Variants in CHKA observed in about 807,000 individuals in gnomAD.
The protein encoded by CHKA is choline kinase alpha, also known as CHETK-alpha.
A neutral mutation model predicts 60.1 loss-of-function variants in CHKA; 34 were observed. The observed-to-expected ratio is 0.57, with a 90% CI of 0.43 to 0.75. CHKA has a LOEUF of 0.75. Ranked by LOEUF, CHKA falls within the 30% of genes least tolerant of loss-of-function variation. The probability of loss-of-function intolerance (pLI) is 0.00; values close to 1 mark genes in which losing one functional copy is unlikely to be tolerated. For synonymous variants in CHKA, 217 were observed against 223.1 expected, an observed-to-expected ratio of 0.97 and a Z score of 0.24; for missense variants, 563 against 561.3, an observed-to-expected ratio of 1.00 and a Z score of -0.03.
intron 1 of CHKA, among the ~76,000 whole-genome samples, chr11:68,100,632 AATAC>A (rs925752462): frequency 6.6e-6 from 1 of 150,880 alleles, no homozygotes. Context: ...TAAATAAATA[AATAC>A]AAGAGCGAAA....
intron 11 of CHKA, 118 bp downstream of exon 11, chr11:68,061,835 G>A (rs1330472887): frequency 2.6e-6 from 2 of 773,328 alleles, no homozygotes; most frequent in African/African-American, 1.7e-5. Flanking sequence ...CGGGTACTTG[G>A]GGAGACAGAG....
intron 1 of CHKA, among the ~76,000 whole-genome samples, chr11:68,104,308 G>A (rs920115743): frequency 5.9e-5 from 9 of 152,134 alleles, no homozygotes; most frequent in African/African-American, 1.9e-4. Flanking sequence ...GTTGAGAATA[G>A]TGCTTACCAG....
At chr11:68,076,707 C>T (rs762845423) in intron 3 of CHKA, among the ~76,000 whole-genome samples, 1 of 152,040 alleles carries the variant, frequency 6.6e-6, no homozygotes, top group African/African-American at 2.4e-5. Context: ...ACTTTATTTA[C>T]GTGTGGCATC....
chr11:68,091,336 A>G (rs1857343730), intron 2 of CHKA, among the ~76,000 whole-genome samples: 1 of 152,258 alleles, frequency 6.6e-6, no homozygotes, highest in Admixed American at 6.5e-5. Flanking sequence ...TATGTAAAAC[A>G]GACGCTAAAT....
At chr11:68,100,592 A>G (rs1857672597) in intron 1 of CHKA, among the ~76,000 whole-genome samples, 1 of 88,116 alleles carries the variant, frequency 1.1e-5, no homozygotes, top group South Asian at 4.8e-4. Context: ...CATCATCTCC[A>G]ATAAATAAAT....
chr11:68,121,299 G>T lies in CHKA; in HGVS notation c.-122C>A. ...GGCCGGCGGGGCAGGGGGCCGCGGCGGTTGGGCGCGCGGGGCGGCGGCGGC... is the reference window on the plus strand; with the variant it reads ...GGCCGGCGGGGCAGGGGGCCGCGGCTGTTGGGCGCGCGGGGCGGCGGCGGC... On this transcript the variant is annotated 5_prime_UTR_variant, in exon 1 of 12. Transcript: ENST00000265689. 1.3e-6 allele frequency: 1 copy of T among 798,156 alleles called. No individual in the cohort carries two copies. The highest frequency in any genetic ancestry group is 9.2e-5 in the East Asian group (1 of 10,838). The allele number at this position is 798,156 out of a possible 1,614,324, so 49.4% of individuals were successfully genotyped here.
intron 2 of CHKA, among the ~76,000 whole-genome samples, chr11:68,093,746 A>C (rs1857420290): frequency 6.6e-6 from 1 of 152,242 alleles, no homozygotes. Context: ...GCTATGCTGC[A>C]GCTGGCTTTT....
intron 3 of CHKA, among the ~76,000 whole-genome samples, chr11:68,081,158 G>A (rs752661415): frequency 6.6e-6 from 1 of 152,154 alleles, no homozygotes; most frequent in Non-Finnish European, 1.5e-5. Flanking sequence ...TCCGAATGCT[G>A]TTTCGATTGC....
Position 68,064,541 on chromosome 11 carries a change from A to G in CHKA, c.1216T>C (p.Leu406=). The G allele has an allele frequency of 6.4e-7, 1 of 1,561,066 alleles. No homozygotes were observed. Among genetic ancestry groups the G allele is most frequent in the Non-Finnish European group, 8.7e-7 (1 of 1,149,448 alleles). Residue 406 remains leucine, a synonymous_variant, in exon 10 of 12, where the codon TTG becomes CTG. Coordinates refer to ENST00000265689, the MANE Select transcript of CHKA (RefSeq NM_001277.3). ...AAATGTTACCTATTAACTTCAAGCAACATTTCTTCTTTTATAATGGATTTT... is the reference window on the plus strand; with the variant it reads ...AAATGTTACCTATTAACTTCAAGCAGCATTTCTTCTTTTATAATGGATTTT... The part of the protein sequence containing the change: ...EEKSIIKEEM[L]LEVNRFALAS...
intron 4 of CHKA, 150 bp from the exon 5 acceptor site, chr11:68,071,007 C>A: frequency 1.4e-6 from 1 of 704,518 alleles, no homozygotes. Context: ...CACTGTGTCC[C>A]TACAGACAGT....
In CHKA at chr11:68,103,932, A is replaced by G. The variant is rs185548238; in HGVS notation, c.351-6802T>C. 6.3e-4 allele frequency among the ~76,000 whole-genome samples: 96 copies of G among 152,014 alleles called. 1 individual carries two copies. Among genetic ancestry groups the G allele is most frequent in the East Asian group, 1.9e-3 (10 of 5,188 alleles). ...AGTCTCAAAAAAATAAAAAATAAAT[A>G]AATTAATTAAATAAAATAAAAAATT... On this transcript the variant is annotated intron_variant, in intron 1 of 11. Transcript: ENST00000265689.
At chr11:68,084,115 C>T (rs544871670) in intron 2 of CHKA, among the ~76,000 whole-genome samples, 18 of 151,124 alleles carry the variant, frequency 1.2e-4, no homozygotes, top group African/African-American at 3.4e-4. Flanking sequence ...GGCATAGTGG[C>T]GCATGCCTGT....
In CHKA at chr11:68,121,370, C is replaced by T. The variant is rs1377793735; in HGVS notation, c.-193G>A. The T allele has an allele frequency of 4.9e-6, 1 of 202,794 alleles. No individual in the cohort carries two copies. Among genetic ancestry groups the T allele is most frequent in the Non-Finnish European group, 9.0e-6 (1 of 111,658 alleles). 12.6% of individuals were successfully genotyped at this position (202,794 alleles called of 1,614,324 possible). On this transcript the variant is annotated 5_prime_UTR_variant, in exon 1 of 12. Transcript: ENST00000265689. ...CTGTGGAGCGGGGATGTGCTGCTGG[C>T]CGCTGCACTCGCTCCTCTGCCGCCG... is the stretch of plus-strand genomic sequence containing the variant.
chr11:68,101,206 C>T (rs193033599), intron 1 of CHKA, among the ~76,000 whole-genome samples: 1 of 151,976 alleles, frequency 6.6e-6, no homozygotes, highest in South Asian at 2.1e-4. Context: ...TCTCAGCCCC[C>T]CAAAGTGCTG....
At chr11:68,057,728 T>G (rs1024114870) in intron 11 of CHKA, among the ~76,000 whole-genome samples, 2 of 152,222 alleles carry the variant, frequency 1.3e-5, no homozygotes, top group African/African-American at 4.8e-5. Flanking sequence ...TGGCACAGAA[T>G]CAGGTTCAGT....
chr11:68,061,859 G>T, intron 11 of CHKA, 94 bp downstream of exon 11: 2 of 897,574 alleles, frequency 2.2e-6, no homozygotes, highest in Non-Finnish European at 3.6e-6. Flanking sequence ...CCTCTGTAAG[G>T]AACAGTCATT....
chr11:68,120,450 C>A (rs1407605201), intron 1 of CHKA, among the ~76,000 whole-genome samples: 2 of 152,166 alleles, frequency 1.3e-5, no homozygotes, highest in South Asian at 4.1e-4. Flanking sequence ...GTTTTTAAAG[C>A]CAGCCACAAC....
At position 68,097,729 on chromosome 11, in the gene CHKA, C is replaced by T. The variant is rs770002311; in HGVS notation, c.351-599G>A. 5.5e-4 allele frequency among the ~76,000 whole-genome samples: 83 copies of T among 152,024 alleles called. 1 individual carries two copies. Among genetic ancestry groups the T allele is most frequent in the Non-Finnish European group, 2.2e-4 (15 of 67,994 alleles). On this transcript the variant is annotated intron_variant, in intron 1 of 11. Transcript: ENST00000265689. Reference sequence around the variant, plus strand: ...GTATTAATAGTTCCAAGATCTTCTACGCTAGTGTTACTAAAAATCTGTCAA... The same window carrying T: ...GTATTAATAGTTCCAAGATCTTCTATGCTAGTGTTACTAAAAATCTGTCAA...
At chr11:68,096,837 C>A (rs756968247) in intron 2 of CHKA, among the ~76,000 whole-genome samples, 182 bp downstream of exon 2, 8 of 152,092 alleles carry the variant, frequency 5.3e-5, no homozygotes, top group Admixed American at 2.0e-4. Context: ...AAAAAAAACA[C>A]GAATTAACTT....
Sources: gnomAD v4.1 joint callset for allele counts (sites outside exome capture counted in the v4.1 genomes callset) on GRCh38, gnomAD v4.1.1 for gene constraint, MANE v1.5 for transcripts, NCBI Gene and HGNC (gene_info 2026-07-23, HGNC 2026-07-21) for gene names.